The following ZFHX3 variants were observed in gnomAD, a reference collection of about 807,000 sequenced individuals.
ZFHX3 encodes the protein zinc finger homeobox protein 3.
In ZFHX3, 42 loss-of-function variants were observed where a neutral mutation model predicts 279.1. The ratio of observed to expected loss-of-function variants is 0.15; its 90% CI spans 0.12 to 0.19. The LOEUF (loss-of-function observed/expected upper bound fraction) is 0.19. ZFHX3 is among the 10% of genes least tolerant of loss of function. The probability of loss-of-function intolerance (pLI) is 1.00; values close to 1 mark genes in which losing one functional copy is unlikely to be tolerated. For missense variants in ZFHX3, 4,981 were observed against 4,754.0 expected (o/e 1.05, Z -1.40); for synonymous variants, 2,293 against 1,957.8 (o/e 1.17, Z -4.52).
upstream of ZFHX3, chr16:73,060,596 A>C (rs1363384659): frequency 1.4e-5 from 2 of 146,254 alleles, no homozygotes; most frequent in East Asian, 2.0e-4. Flanking sequence ...AGATTTTTTA[A>C]AAATGACAAG....
chr16:73,760,175 C>G (rs1290682413), intron 1 of ZFHX3, among the ~76,000 whole-genome samples: 1 of 152,100 alleles, frequency 6.6e-6, no homozygotes, highest in Non-Finnish European at 1.5e-5. Context: ...TGGAAATAAA[C>G]TACAAATTCT....
At chr16:73,637,970 G>A (rs1375091969) in intron 2 of ZFHX3, among the ~76,000 whole-genome samples, 1 of 152,122 alleles carries the variant, frequency 6.6e-6, no homozygotes, top group African/African-American at 2.4e-5. Flanking sequence ...AGACAATGAT[G>A]TGTCATTTTA....
At chr16:73,187,711 G>T (rs1967944965) in intron 5 of ZFHX3, among the ~76,000 whole-genome samples, 2 of 152,198 alleles carry the variant, frequency 1.3e-5, no homozygotes, top group Admixed American at 1.3e-4. Flanking sequence ...GCCCTCTTTG[G>T]GTGATCCTGG....
At chr16:73,360,425 G>A (rs1049837087) in intron 3 of ZFHX3, among the ~76,000 whole-genome samples, 5 of 152,154 alleles carry the variant, frequency 3.3e-5, no homozygotes, top group Non-Finnish European at 5.9e-5. Flanking sequence ...CACAGCCTCC[G>A]CCTCTAGGGT....
chr16:72,834,420 A>G (rs2037136037), intron 4 of ZFHX3, among the ~76,000 whole-genome samples: 2 of 152,232 alleles, frequency 1.3e-5, no homozygotes. Context: ...AATACCTTCT[A>G]AAGGGGAAAG....
At chr16:73,583,749 C>A (rs991855845) in intron 2 of ZFHX3, among the ~76,000 whole-genome samples, 5 of 151,952 alleles carry the variant, frequency 3.3e-5, no homozygotes, top group African/African-American at 1.2e-4. Flanking sequence ...TCACAATTGA[C>A]AAAATATAAC....
At chr16:73,432,447 C>A (rs1237874263) in intron 3 of ZFHX3, among the ~76,000 whole-genome samples, 1 of 152,134 alleles carries the variant, frequency 6.6e-6, no homozygotes, top group Non-Finnish European at 1.5e-5. Context: ...AGAGCCCAAC[C>A]CACTTCCTTC....
At chr16:73,593,913 C>T (rs1364544023) in intron 2 of ZFHX3, among the ~76,000 whole-genome samples, 1 of 152,284 alleles carries the variant, frequency 6.6e-6, no homozygotes, top group African/African-American at 2.4e-5. Context: ...TCTGACACAA[C>T]GTATTTGCCC....
In ZFHX3 at chr16:73,147,234, A is replaced by G. The variant is rs947943346; in HGVS notation, c.-1103-3403T>C. On this transcript the variant is annotated intron_variant, in intron 5 of 17. Transcript: ENST00000641206. ...CTTCATTGTTAAAGGGGATCATGCC[A>G]TCCACCCAACACAGGTACAACGGGG... Among the ~76,000 whole-genome samples the G allele has an allele frequency of 3.0e-4, 45 of 152,304 alleles. 2 individuals are homozygous for G. The highest frequency in any genetic ancestry group is 7.7e-4 in the East Asian group (4 of 5,178).
chr16:73,492,519 G>A (rs1037233097), intron 2 of ZFHX3, among the ~76,000 whole-genome samples: 1 of 152,174 alleles, frequency 6.6e-6, no homozygotes, highest in East Asian at 1.9e-4. Flanking sequence ...AAAAGTGAGG[G>A]ATCTAGAATC....
chr16:73,462,395 T>C (rs1472262933), intron 2 of ZFHX3, among the ~76,000 whole-genome samples: 1 of 152,204 alleles, frequency 6.6e-6, no homozygotes, highest in Non-Finnish European at 1.5e-5. Context: ...CTTATCTGTG[T>C]ACCTTTGATT....
intron 4 of ZFHX3, among the ~76,000 whole-genome samples, chr16:72,856,087 T>C (rs1487370025): frequency 6.6e-6 from 1 of 152,216 alleles, no homozygotes; most frequent in Non-Finnish European, 1.5e-5. Flanking sequence ...GCTCCCTGTA[T>C]AGTCCAACAC....
chr16:73,584,351 CA>C (rs1299817969), intron 2 of ZFHX3, among the ~76,000 whole-genome samples: 9 of 152,054 alleles, frequency 5.9e-5, no homozygotes, highest in Non-Finnish European at 1.2e-4. Flanking sequence ...AATGAAATTT[CA>C]GAACAGCAAA....
intron 3 of ZFHX3, among the ~76,000 whole-genome samples, chr16:72,899,934 C>T (rs2038990279): frequency 6.6e-6 from 1 of 152,104 alleles, no homozygotes; most frequent in Non-Finnish European, 1.5e-5. Flanking sequence ...CTCCTTACAA[C>T]CAACCCTCAC....
At chr16:73,458,284 TTCTC>T (rs922402780) in intron 2 of ZFHX3, among the ~76,000 whole-genome samples, 1 of 150,636 alleles carries the variant, frequency 6.6e-6, no homozygotes, top group African/African-American at 2.5e-5. Flanking sequence ...CTTTCTCTCT[TTCTC>T]TCTCTCTCTT....
chr16:73,824,241 T>C (rs1960832148), intron 1 of ZFHX3, among the ~76,000 whole-genome samples: 1 of 152,182 alleles, frequency 6.6e-6, no homozygotes, highest in Non-Finnish European at 1.5e-5. Context: ...ACTCCTTCTT[T>C]TCCAAAGTCA....
intron 2 of ZFHX3, among the ~76,000 whole-genome samples, chr16:73,527,570 C>T (rs758755041): frequency 3.9e-5 from 6 of 152,320 alleles, no homozygotes; most frequent in Admixed American, 1.3e-4. Context: ...TAGGGGCTCA[C>T]TTCAGTCGAA....
At chr16:73,769,614 G>A (rs992470507) in intron 1 of ZFHX3, among the ~76,000 whole-genome samples, 2 of 152,116 alleles carry the variant, frequency 1.3e-5, no homozygotes, top group South Asian at 2.1e-4. Context: ...ACCTATTACA[G>A]CTAAAAAGTG....
At chr16:73,561,386 A>T (rs760444448) in intron 2 of ZFHX3, among the ~76,000 whole-genome samples, 1 of 152,252 alleles carries the variant, frequency 6.6e-6, no homozygotes, top group African/African-American at 2.4e-5. Context: ...TAAATCTCCA[A>T]AAATGAAAGA....
Sources: gnomAD v4.1 joint callset for allele counts (sites outside exome capture counted in the v4.1 genomes callset) on GRCh38, gnomAD v4.1.1 for gene constraint, MANE v1.5 for transcripts, NCBI Gene and HGNC (gene_info 2026-07-23, HGNC 2026-07-21) for gene names.